The following GALNT14 variants were observed in gnomAD, a reference collection of about 807,000 sequenced individuals.
GALNT14 encodes UDP-GalNAc:polypeptide N-acetylgalactosaminyltransferase 14.
A neutral mutation model predicts 77.5 loss-of-function variants in GALNT14; 60 were observed. The observed-to-expected ratio is 0.77, with a 90% CI of 0.63 to 0.96. The LOEUF (loss-of-function observed/expected upper bound fraction) is 0.96. Among genes scored for constraint, GALNT14 ranks in the 40% least tolerant of loss-of-function variants. The pLI is 0.00. For missense variants in GALNT14, 710 were observed against 731.0 expected, an observed-to-expected ratio of 0.97 and a Z score of 0.33; for synonymous variants, 280 against 281.7, an observed-to-expected ratio of 0.99 and a Z score of 0.06.
At chr2:30,902,090 C>G in the GALNT14 span, among the ~76,000 whole-genome samples, 2,336 of 152,300 alleles carry the variant, frequency 0.015, 57 homozygotes, top group African/African-American at 0.053. Context: ...ACCAAAACAT[C>G]AGACAGCCAG....
At chr2:31,068,304 T>G (rs1407211819) in intron 1 of GALNT14, among the ~76,000 whole-genome samples, 1 of 152,014 alleles carries the variant, frequency 6.6e-6, no homozygotes, top group Non-Finnish European at 1.5e-5. Context: ...GTGGCCAACA[T>G]GGCGAAACCC....
intron 1 of GALNT14, among the ~76,000 whole-genome samples, chr2:31,049,600 T>G (rs990123369): frequency 6.6e-6 from 1 of 152,064 alleles, no homozygotes; most frequent in African/African-American, 2.4e-5. Flanking sequence ...GGTCAGAGGT[T>G]GGGGGAGATG....
Position 30,912,362 on chromosome 2 carries a change from G to T in GALNT14, c.1381-20C>A. 1 of 1,613,172 alleles carries T rather than the reference G, an allele frequency of 6.2e-7. No individual in the cohort carries two copies. Among genetic ancestry groups the T allele is most frequent in the Middle Eastern group, 1.7e-4 (1 of 6,018 alleles). On this transcript the variant is annotated intron_variant, in intron 13 of 14. Transcript: ENST00000349752. ...CCATACCTGGGGAGAAAGAGACCAG[G>T]AAGGTTTGTTCAGGATCCAGGAAGC...
At chr2:31,045,438 A>G (rs915306743) in intron 1 of GALNT14, among the ~76,000 whole-genome samples, 3 of 152,150 alleles carry the variant, frequency 2.0e-5, no homozygotes, top group Middle Eastern at 3.2e-3. Flanking sequence ...AGGAACTTCC[A>G]TGACCCCTCC....
intron 1 of GALNT14, among the ~76,000 whole-genome samples, chr2:31,011,010 C>A (rs1369972414): frequency 3.3e-5 from 5 of 152,190 alleles, no homozygotes; most frequent in African/African-American, 1.2e-4. Flanking sequence ...AGCAGGGAGG[C>A]AAGCCTTGGC....
At chr2:31,052,045 C>A (rs570518875) in intron 1 of GALNT14, among the ~76,000 whole-genome samples, 1 of 152,268 alleles carries the variant, frequency 6.6e-6, no homozygotes, top group South Asian at 2.1e-4. Context: ...CAAGGAGATA[C>A]CCCACTGAGT....
intron 1 of GALNT14, among the ~76,000 whole-genome samples, chr2:31,017,653 C>T (rs186638573): frequency 3.3e-5 from 5 of 152,252 alleles, no homozygotes; most frequent in African/African-American, 1.2e-4. Flanking sequence ...TCTTTAGCCT[C>T]TGCCCAAATC....
chr2:31,111,649 G>A (rs769125176), intron 1 of GALNT14, among the ~76,000 whole-genome samples: 2 of 152,250 alleles, frequency 1.3e-5, no homozygotes, highest in East Asian at 1.9e-4. Flanking sequence ...TGGCGTCATC[G>A]CTATGACAGT....
At chr2:30,977,092 C>CTTTTTTTTTTTTTTTTTTTTTTTTTT (rs11314175) in intron 2 of GALNT14, among the ~76,000 whole-genome samples, 59 of 135,096 alleles carry the variant, frequency 4.4e-4, no homozygotes, top group African/African-American at 9.2e-4. Context: ...GCTTTTCTGT[C>CTTTTTTTTTTTTTTTTTTTTTTTTTT]TTTTTTTTTT....
the GALNT14 span, among the ~76,000 whole-genome samples, chr2:30,893,388 T>C: frequency 9.5e-4 from 145 of 152,262 alleles, 1 homozygote; most frequent in Admixed American, 1.5e-3. Flanking sequence ...GCGAAAAAAA[T>C]ACTGAGGCTA....
At chr2:30,978,876 G>T (rs555845670) in intron 2 of GALNT14, among the ~76,000 whole-genome samples, 9 of 152,314 alleles carry the variant, frequency 5.9e-5, no homozygotes, top group Admixed American at 3.9e-4. Flanking sequence ...GCACAGCAAG[G>T]GGTGCTGCTC....
chr2:30,944,951 C>T lies in GALNT14; in HGVS notation c.743-9G>A, dbSNP rs749193997. 1.9e-6 allele frequency: 3 copies of T among 1,595,740 alleles called. No individual in the cohort carries two copies. The highest frequency in any genetic ancestry group is 4.5e-5 in the East Asian group (2 of 44,560). On this transcript the variant is annotated splice_polypyrimidine_tract_variant and intron_variant, in intron 7 of 14. Transcript: ENST00000349752. ...GAGGCTCCAGTCAAACCCTACAACACAGCACCAACCCACCTGCTTTGGTCT... is the reference window on the plus strand; with the variant it reads ...GAGGCTCCAGTCAAACCCTACAACATAGCACCAACCCACCTGCTTTGGTCT...
At chr2:31,065,686 T>C (rs1040655254) in intron 1 of GALNT14, among the ~76,000 whole-genome samples, 1 of 152,296 alleles carries the variant, frequency 6.6e-6, no homozygotes, top group African/African-American at 2.4e-5. Context: ...GAAAAAGTTA[T>C]GTGTGACTTG....
chr2:30,942,218 C>T lies in GALNT14; in HGVS notation c.914G>A (p.Trp305Ter). The change falls in exon 9 of 15, where the codon TGG becomes TAG. Residue 305 changes from tryptophan to a stop codon, truncating the protein, a stop_gained. Transcript: ENST00000349752. LOFTEE classifies it high-confidence loss of function. ...GGACTCACCAAAGTTCTCCCCACCC[C>T]AGATGTCCATGTCCATATCATATTT... ...LGKYDMDMDIWGGENFEISFR... is the reference protein window; with the variant it reads ...LGKYDMDMDI 6.2e-7 allele frequency: 1 copy of T among 1,613,840 alleles called. No homozygotes were observed. The highest frequency in any genetic ancestry group is 8.5e-7 in the Non-Finnish European group (1 of 1,179,750).
chr2:30,987,719 TC>T lies in GALNT14; in HGVS notation c.299+5118del, dbSNP rs1669396190. ...CAGCCTTCCTCCTCCCTCCCCCTCC[TC>T]CCCCTCCTCCCCCTCCTCCCCCACC... On this transcript the variant is annotated intron_variant, in intron 2 of 14. Coordinates refer to ENST00000349752, the MANE Select transcript of GALNT14 (RefSeq NM_024572.4). Among the ~76,000 whole-genome samples the T allele has an allele frequency of 3.0e-3, 118 of 38,692 alleles. 2 individuals are homozygous for T. Among genetic ancestry groups the T allele is most frequent in the African/African-American group, 0.01 (116 of 11,440 alleles). The allele number at this position is 38,692 out of a possible 152,430, so 25.4% of individuals were successfully genotyped here. A position where few individuals can be genotyped will look rare whatever the true frequency, so the allele number is the denominator to read the frequency against.
At chr2:31,012,634 T>A (rs1365753471) in intron 1 of GALNT14, among the ~76,000 whole-genome samples, 3 of 152,020 alleles carry the variant, frequency 2.0e-5, no homozygotes, top group African/African-American at 7.3e-5. Flanking sequence ...GGGTTAAGAA[T>A]GAACTTGCCC....
At chr2:31,037,483 A>G (rs762728429) in intron 1 of GALNT14, among the ~76,000 whole-genome samples, 33 of 152,240 alleles carry the variant, frequency 2.2e-4, no homozygotes, top group Non-Finnish European at 4.7e-4. Flanking sequence ...GTAAGTTGAA[A>G]GTGTAAGCTT....
At chr2:31,105,460 A>G (rs529008732) in intron 1 of GALNT14, among the ~76,000 whole-genome samples, 8 of 152,202 alleles carry the variant, frequency 5.3e-5, no homozygotes, top group African/African-American at 1.9e-4. Context: ...TTAGAAACCA[A>G]GATCTCTGTA....
At chr2:31,046,588 G>A (rs547396594) in intron 1 of GALNT14, among the ~76,000 whole-genome samples, 144 of 148,470 alleles carry the variant, frequency 9.7e-4, no homozygotes, top group African/African-American at 3.4e-3. Flanking sequence ...TACTCTGTAG[G>A]GCATTGGTGG....
Sources: gnomAD v4.1 joint callset for allele counts (sites outside exome capture counted in the v4.1 genomes callset) on GRCh38, gnomAD v4.1.1 for gene constraint, MANE v1.5 for transcripts, NCBI Gene and HGNC (gene_info 2026-07-23, HGNC 2026-07-21) for gene names.